ATRNL1: variants seen among roughly 807,000 people sequenced by gnomAD.
ATRNL1 encodes attractin-like protein 1.
In ATRNL1, 95 loss-of-function variants were observed where a neutral mutation model predicts 182.7. The ratio of observed to expected loss-of-function variants is 0.52; its 90% CI spans 0.44 to 0.62. ATRNL1 has a LOEUF of 0.62. ATRNL1 is among the 20% of genes least tolerant of loss of function. The probability of loss-of-function intolerance (pLI) is 0.00; values close to 1 mark genes in which losing one functional copy is unlikely to be tolerated. For missense variants in ATRNL1, 1,471 were observed against 1,679.5 expected, an observed-to-expected ratio of 0.88 and a Z score of 2.17; for synonymous variants, 576 against 568.3, an observed-to-expected ratio of 1.01 and a Z score of -0.19.
intron 28 of ATRNL1, among the ~76,000 whole-genome samples, chr10:115,930,804 ACT>A (rs1953372974): frequency 6.6e-6 from 1 of 152,056 alleles, no homozygotes; most frequent in South Asian, 2.1e-4. Flanking sequence ...GATTATTCTA[ACT>A]CTCTAGAAAT....
At chr10:115,846,337 A>G (rs1275765180) in intron 27 of ATRNL1, among the ~76,000 whole-genome samples, 1 of 151,976 alleles carries the variant, frequency 6.6e-6, no homozygotes, top group Non-Finnish European at 1.5e-5. Flanking sequence ...GTCACCAGAA[A>G]TTTCAGTCCA....
At chr10:115,224,608 C>CA (rs1849620277) in intron 9 of ATRNL1, among the ~76,000 whole-genome samples, 1 of 148,082 alleles carries the variant, frequency 6.8e-6, no homozygotes, top group Non-Finnish European at 1.5e-5. Context: ...GACTTAGAAA[C>CA]AAAGATTACT....
At chr10:115,554,829 A>C (rs1485896221) in intron 26 of ATRNL1, among the ~76,000 whole-genome samples, 1 of 151,698 alleles carries the variant, frequency 6.6e-6, no homozygotes, top group African/African-American at 2.4e-5. Context: ...TTTTTACTGT[A>C]TATACAATAC....
At chr10:115,398,674 C>A (rs1159549578) in intron 20 of ATRNL1, among the ~76,000 whole-genome samples, 2 of 151,996 alleles carry the variant, frequency 1.3e-5, no homozygotes, top group East Asian at 3.9e-4. Context: ...GACTTCCCTT[C>A]TTTTTATTTA....
At chr10:115,162,454 A>G (rs1846836155) in intron 6 of ATRNL1, among the ~76,000 whole-genome samples, 1 of 151,986 alleles carries the variant, frequency 6.6e-6, no homozygotes, top group Admixed American at 6.6e-5. Flanking sequence ...AACCAGGCCC[A>G]TGCAATTTGC....
intron 26 of ATRNL1, among the ~76,000 whole-genome samples, chr10:115,610,634 C>T (rs1555018710): frequency 1.3e-5 from 2 of 152,096 alleles, no homozygotes; most frequent in African/African-American, 2.4e-5. Flanking sequence ...AATTTTTTAT[C>T]TGTGAATCAG....
chr10:115,798,075 G>T (rs1355147212), intron 27 of ATRNL1, among the ~76,000 whole-genome samples: 1 of 152,018 alleles, frequency 6.6e-6, no homozygotes, highest in Non-Finnish European at 1.5e-5. Context: ...CTGCCACCAC[G>T]CCCGGCTAAT....
intron 26 of ATRNL1, among the ~76,000 whole-genome samples, chr10:115,680,472 A>C (rs1273558729): frequency 6.6e-6 from 1 of 152,156 alleles, no homozygotes; most frequent in Admixed American, 6.6e-5. Flanking sequence ...TAATTTCAAG[A>C]TGCCTAGTAA....
chr10:115,527,613 A>G (rs1279753353), intron 25 of ATRNL1, among the ~76,000 whole-genome samples: 4 of 152,096 alleles, frequency 2.6e-5, no homozygotes, highest in African/African-American at 9.7e-5. Flanking sequence ...GGAGGTTTTT[A>G]ATTTTTTCCT....
intron 26 of ATRNL1, among the ~76,000 whole-genome samples, chr10:115,556,040 C>T (rs528292678): frequency 2.6e-5 from 4 of 152,046 alleles, no homozygotes; most frequent in African/African-American, 7.2e-5. Context: ...CCGAACCATA[C>T]AGAGAACTTT....
At chr10:115,713,707 TC>T (rs880003260) in intron 26 of ATRNL1, among the ~76,000 whole-genome samples, 47 of 31,326 alleles carry the variant, frequency 1.5e-3, no homozygotes, top group African/African-American at 3.5e-3. Context: ...CTATCTATCA[TC>T]TATCTATCTA....
intron 8 of ATRNL1, among the ~76,000 whole-genome samples, chr10:115,211,567 G>C (rs1274789776): frequency 6.6e-6 from 1 of 151,112 alleles, no homozygotes; most frequent in African/African-American, 2.4e-5. Flanking sequence ...TCTTGAATCT[G>C]TAAGTTTATG....
chr10:115,591,163 G>GCA (rs1245656795), intron 26 of ATRNL1, among the ~76,000 whole-genome samples: 3 of 152,122 alleles, frequency 2.0e-5, no homozygotes, highest in Admixed American at 2.0e-4. Context: ...ACACAAAAAT[G>GCA]CACACACACA....
intron 28 of ATRNL1, among the ~76,000 whole-genome samples, chr10:115,871,664 C>G (rs1468486657): frequency 6.6e-6 from 1 of 151,912 alleles, no homozygotes; most frequent in Non-Finnish European, 1.5e-5. Flanking sequence ...GGTCTATAAA[C>G]TCTGGGCTAT....
At chr10:115,741,356 A>C (rs1441769484) in intron 27 of ATRNL1, among the ~76,000 whole-genome samples, 4 of 152,142 alleles carry the variant, frequency 2.6e-5, no homozygotes, top group Admixed American at 6.6e-5. Context: ...GGATGGAGAC[A>C]GGTAAGAAGC....
chr10:115,533,184 T>G (rs1340264254), intron 25 of ATRNL1, among the ~76,000 whole-genome samples: 1 of 151,646 alleles, frequency 6.6e-6, no homozygotes, highest in Non-Finnish European at 1.5e-5. Flanking sequence ...ATGGTACCAG[T>G]TCCTCCTTGT....
chr10:115,452,678 TTTAA>T (rs1301262774), intron 21 of ATRNL1, among the ~76,000 whole-genome samples: 16 of 152,152 alleles, frequency 1.1e-4, no homozygotes, highest in African/African-American at 3.9e-4. Context: ...CCTTAAGTTA[TTTAA>T]TTAATTTTCT....
rs532206554 is a variant in ATRNL1 at position 115,139,886 on chromosome 10, A to G, written c.829+10351A>G. ...GCTTCACTCAACCTGTTCTCTGAAT[A>G]ATACAAAAGGATATTGAGTAGCTCA... On this transcript the variant is annotated intron_variant, in intron 5 of 28. Transcript: ENST00000355044. 4.6e-5 allele frequency among the ~76,000 whole-genome samples: 7 copies of G among 152,330 alleles called. No homozygotes were observed. In the East Asian group the frequency reaches 1.4e-3, roughly 29 times the overall value.
chr10:115,895,261 G>A (rs1321889859), intron 28 of ATRNL1, among the ~76,000 whole-genome samples: 2 of 152,198 alleles, frequency 1.3e-5, no homozygotes, highest in Admixed American at 6.5e-5. Flanking sequence ...CAAGGTGGTC[G>A]TGTGTATTGA....
Sources: allele counts gnomAD v4.1 joint callset (sites outside exome capture counted in the v4.1 genomes callset), GRCh38; gene constraint gnomAD v4.1.1; transcripts MANE v1.5; gene names NCBI Gene and HGNC (gene_info 2026-07-23, HGNC 2026-07-21).